Variants in SCAPER observed in about 807,000 individuals in gnomAD.
The protein encoded by SCAPER is S-phase cyclin A associated protein in the ER.
In SCAPER, 98 loss-of-function variants were observed where a neutral mutation model predicts 182.2. That is an observed-to-expected ratio of 0.54 (90% CI 0.46 to 0.64). The LOEUF (loss-of-function observed/expected upper bound fraction) is 0.64, where lower values mean the gene tolerates loss of function less well. Ranked by LOEUF, SCAPER falls within the 30% of genes least tolerant of loss-of-function variation. The pLI is 0.00. For missense variants in SCAPER, 1,432 were observed against 1,690.0 expected (o/e 0.85, Z 2.68); for synonymous variants, 605 against 564.6 (o/e 1.07, Z -1.01).
At chr15:76,559,201 A>ATTTTTTTTTTTTT (rs58642207) in intron 23 of SCAPER, among the ~76,000 whole-genome samples, 8 of 121,818 alleles carry the variant, frequency 6.6e-5, no homozygotes, top group African/African-American at 1.1e-4. Flanking sequence ...CACCCAGCTA[A>ATTTTTTTTTTTTT]TTTTTTTTTT....
intron 24 of SCAPER, among the ~76,000 whole-genome samples, chr15:76,477,295 A>T (rs911823989): frequency 2.0e-5 from 3 of 152,182 alleles, no homozygotes; most frequent in African/African-American, 4.8e-5. Context: ...CCTTGGTCAC[A>T]TTCCTGTATC....
intron 17 of SCAPER, among the ~76,000 whole-genome samples, chr15:76,709,049 G>A (rs144907757): frequency 3.3e-5 from 5 of 152,016 alleles, no homozygotes; most frequent in African/African-American, 1.2e-4. Flanking sequence ...CTGGGCAACA[G>A]AAAAGAAAAG....
intron 4 of SCAPER, among the ~76,000 whole-genome samples, chr15:76,855,182 T>A (rs961811469): frequency 2.0e-5 from 3 of 152,040 alleles, no homozygotes; most frequent in Admixed American, 2.0e-4. Flanking sequence ...GAGAAAGGAC[T>A]CTCTATTCAA....
chr15:76,607,251 T>C (rs1257299345), intron 22 of SCAPER, among the ~76,000 whole-genome samples: 1 of 152,024 alleles, frequency 6.6e-6, no homozygotes, highest in Non-Finnish European at 1.5e-5. Context: ...GTCTGTAAAG[T>C]ATTTTATTTC....
At chr15:76,903,869 T>C (rs1418147061) in intron 1 of SCAPER, among the ~76,000 whole-genome samples, 2 of 152,130 alleles carry the variant, frequency 1.3e-5, no homozygotes, top group Non-Finnish European at 1.5e-5. Context: ...TATTCCTACT[T>C]TACAGATAAG....
intron 8 of SCAPER, among the ~76,000 whole-genome samples, chr15:76,783,469 T>C (rs1372243521): frequency 6.6e-6 from 1 of 152,166 alleles, no homozygotes; most frequent in Admixed American, 6.5e-5. Flanking sequence ...TAGGAGATGG[T>C]ATCATTCCTT....
At chr15:76,644,408 AT>A (rs1207332140) in intron 21 of SCAPER, among the ~76,000 whole-genome samples, 4 of 152,126 alleles carry the variant, frequency 2.6e-5, no homozygotes, top group African/African-American at 9.7e-5. Context: ...TGCTTGATAA[AT>A]TTTCTAAAGA....
At chr15:76,797,460 C>A (rs1443972724) in intron 7 of SCAPER, 2 of 152,124 alleles carry the variant, frequency 1.3e-5, no homozygotes, top group African/African-American at 4.8e-5. Context: ...CTAGCAAATT[C>A]CTGAAAATCA....
chr15:76,838,010 A>T (rs2069106030), intron 5 of SCAPER, among the ~76,000 whole-genome samples: 1 of 152,220 alleles, frequency 6.6e-6, no homozygotes, highest in Admixed American at 6.5e-5. Context: ...CAAAGAACTG[A>T]AAACAGAACT....
At chr15:76,652,333 TACAC>T (rs1183474904) in intron 21 of SCAPER, among the ~76,000 whole-genome samples, 1 of 15,288 alleles carries the variant, frequency 6.5e-5, no homozygotes, top group Non-Finnish European at 1.0e-4. Context: ...CACACACACA[TACAC>T]ATATATACAC....
At chr15:76,846,436 T>C (rs1437382021) in intron 4 of SCAPER, among the ~76,000 whole-genome samples, 1 of 151,542 alleles carries the variant, frequency 6.6e-6, no homozygotes, top group East Asian at 1.9e-4. Flanking sequence ...GAGAAAATAT[T>C]TGCAAACTAC....
intron 20 of SCAPER, among the ~76,000 whole-genome samples, chr15:76,674,020 G>C (rs1037834070): frequency 6.7e-6 from 1 of 150,140 alleles, no homozygotes; most frequent in African/African-American, 2.5e-5. Context: ...AGGATAATAG[G>C]AAACCAGTTC....
At chr15:76,848,896 G>C (rs991205406) in intron 4 of SCAPER, among the ~76,000 whole-genome samples, 1 of 151,934 alleles carries the variant, frequency 6.6e-6, no homozygotes, top group Non-Finnish European at 1.5e-5. Context: ...CATGAATGCA[G>C]AACAGTCACC....
intron 5 of SCAPER, among the ~76,000 whole-genome samples, chr15:76,809,250 T>G (rs1032819375): frequency 6.6e-6 from 1 of 151,906 alleles, no homozygotes; most frequent in African/African-American, 2.4e-5. Flanking sequence ...GTATACAAGT[T>G]CCAAATAAAA....
chr15:76,431,082 CCTT>C (rs1446132175), intron 26 of SCAPER, among the ~76,000 whole-genome samples: 2 of 135,802 alleles, frequency 1.5e-5, no homozygotes, highest in African/African-American at 5.7e-5. Context: ...ACTTACTCCT[CCTT>C]GTGTTCTGCC....
Position 76,753,814 on chromosome 15 carries a change from T to G in SCAPER, c.1860A>C (p.Glu620Asp). The G allele has an allele frequency of 1.2e-6, 2 of 1,612,246 alleles. No homozygotes were observed. The highest frequency in any genetic ancestry group is 1.7e-6 in the Non-Finnish European group (2 of 1,178,870). The change falls in exon 15 of 32, where the codon GAA becomes GAC. Residue 620 changes from glutamate to aspartate, a missense_variant. Transcript: ENST00000563290. Reference sequence around the variant, plus strand: ...TAAAGCTCTTATGATATACCTTAGCTTCTTCTTCTTGTGCTTTTTTCACAA... The same window carrying G: ...TAAAGCTCTTATGATATACCTTAGCGTCTTCTTCTTGTGCTTTTTTCACAA... ...QAIVKKAQEE[E>D]AKVNEIAFIN...
chr15:76,533,375 T>A (rs1258185275), intron 23 of SCAPER, among the ~76,000 whole-genome samples: 1 of 152,200 alleles, frequency 6.6e-6, no homozygotes, highest in Non-Finnish European at 1.5e-5. Flanking sequence ...TATGTTTAGA[T>A]ATGTTTAAAT....
At chr15:76,709,403 G>T (rs984778190) in intron 17 of SCAPER, among the ~76,000 whole-genome samples, 2 of 152,034 alleles carry the variant, frequency 1.3e-5, no homozygotes, top group Non-Finnish European at 2.9e-5. Flanking sequence ...CAAAGTGCTG[G>T]GATTACAGAC....
At chr15:76,456,019 G>A (rs974037767) in intron 25 of SCAPER, among the ~76,000 whole-genome samples, 6 of 152,130 alleles carry the variant, frequency 3.9e-5, no homozygotes, top group Non-Finnish European at 5.9e-5. Flanking sequence ...TTATGGCTGC[G>A]TAGTATTCCA....
Sources: gnomAD v4.1 joint callset for allele counts (sites outside exome capture counted in the v4.1 genomes callset) on GRCh38, gnomAD v4.1.1 for gene constraint, MANE v1.5 for transcripts, NCBI Gene and HGNC (gene_info 2026-07-23, HGNC 2026-07-21) for gene names.